The following THSD7B variants were observed in gnomAD, a reference collection of about 807,000 sequenced individuals.
The protein encoded by THSD7B is thrombospondin type-1 domain-containing protein 7B.
A neutral mutation model predicts 213.6 loss-of-function variants in THSD7B; 138 were observed. The ratio of observed to expected loss-of-function variants is 0.65; its 90% CI spans 0.56 to 0.74. The LOEUF is 0.74. Among genes scored for constraint, THSD7B ranks in the 30% least tolerant of loss-of-function variants. The pLI is 0.00. For synonymous variants in THSD7B, 742 were observed against 687.0 expected (o/e 1.08, Z -1.25); for missense variants, 1,931 against 1,991.5 (o/e 0.97, Z 0.58).
Position 137,272,542 on chromosome 2 carries a change from C to T in THSD7B, c.2276C>T (p.Thr759Ile). 1 of 1,607,692 alleles carries T rather than the reference C, an allele frequency of 6.2e-7. No homozygotes were observed. The change falls in exon 11 of 28, where the codon ACA becomes ATA. Residue 759 changes from threonine to isoleucine, a missense_variant. Transcript: ENST00000409968. ...CPRMCQAGNA[T>I]VKQSRYRIII... ...TTTTCCTTTACTTCAGGAAATGCCA[C>T]AGTAAAACAGTCTCGATACAGAATC...
At chr2:136,932,486 C>G (rs1370844852) in intron 2 of THSD7B, among the ~76,000 whole-genome samples, 1 of 147,278 alleles carries the variant, frequency 6.8e-6, no homozygotes, top group African/African-American at 2.4e-5. Context: ...AACTAATAGG[C>G]TATGGTTGAC....
intron 2 of THSD7B, among the ~76,000 whole-genome samples, chr2:136,960,259 C>A (rs1296592639): frequency 6.6e-6 from 1 of 152,174 alleles, no homozygotes; most frequent in Non-Finnish European, 1.5e-5. Flanking sequence ...TCCTGAGTAG[C>A]TGGGACTATA....
intron 12 of THSD7B, among the ~76,000 whole-genome samples, chr2:137,386,712 A>C (rs1206726295): frequency 6.6e-6 from 1 of 152,130 alleles, no homozygotes; most frequent in Non-Finnish European, 1.5e-5. Context: ...TGCCCTCTTC[A>C]TCTCATAATT....
At chr2:137,232,113 G>T (rs147435462) in intron 8 of THSD7B, among the ~76,000 whole-genome samples, 2 of 152,202 alleles carry the variant, frequency 1.3e-5, no homozygotes, top group African/African-American at 2.4e-5. Flanking sequence ...CAAGGTCACA[G>T]ATCCTGGGCA....
chr2:137,618,723 G>A (rs188562884), intron 19 of THSD7B, among the ~76,000 whole-genome samples: 24 of 151,968 alleles, frequency 1.6e-4, no homozygotes, highest in Middle Eastern at 3.4e-3. Flanking sequence ...GTGGAGAAAT[G>A]GGTTCATTAA....
At chr2:137,257,314 C>T (rs1280258629) in intron 10 of THSD7B, among the ~76,000 whole-genome samples, 3 of 152,184 alleles carry the variant, frequency 2.0e-5, no homozygotes, top group Non-Finnish European at 4.4e-5. Context: ...GTGTAATTCA[C>T]ATAACTGGAT....
At chr2:137,330,329 A>T (rs981201422) in intron 12 of THSD7B, among the ~76,000 whole-genome samples, 1 of 152,166 alleles carries the variant, frequency 6.6e-6, no homozygotes, top group Non-Finnish European at 1.5e-5. Context: ...CCAGAATGGT[A>T]GACCTGACAA....
At chr2:137,216,282 C>CCCCCCG (rs1681241694) in intron 7 of THSD7B, among the ~76,000 whole-genome samples, 1 of 6,498 alleles carries the variant, frequency 1.5e-4, no homozygotes, top group African/African-American at 3.4e-4. Flanking sequence ...CCGCCCCCCA[C>CCCCCCG]CCCCCTGCAT....
intron 2 of THSD7B, among the ~76,000 whole-genome samples, chr2:136,968,103 G>A (rs1292758558): frequency 6.6e-6 from 1 of 152,098 alleles, no homozygotes; most frequent in Non-Finnish European, 1.5e-5. Context: ...TGATATGGAT[G>A]TGCATGAGAT....
intron 6 of THSD7B, among the ~76,000 whole-genome samples, chr2:137,161,048 T>C (rs1319906615): frequency 1.3e-5 from 2 of 152,204 alleles, no homozygotes; most frequent in East Asian, 1.9e-4. Context: ...TAACATTTGA[T>C]GTTATATTTT....
intron 10 of THSD7B, among the ~76,000 whole-genome samples, chr2:137,258,907 C>G (rs1486667962): frequency 6.6e-6 from 1 of 151,998 alleles, no homozygotes; most frequent in Non-Finnish European, 1.5e-5. Context: ...CTTTGTTCAG[C>G]TCCCACTTAT....
At chr2:137,278,130 T>G (rs1035729036) in intron 12 of THSD7B, among the ~76,000 whole-genome samples, 1 of 151,962 alleles carries the variant, frequency 6.6e-6, no homozygotes, top group African/African-American at 2.4e-5. Context: ...TGCTAAGAGT[T>G]GAAGGATAGA....
At chr2:137,414,562 TA>T (rs1686750140) in intron 14 of THSD7B, among the ~76,000 whole-genome samples, 1 of 151,088 alleles carries the variant, frequency 6.6e-6, no homozygotes, top group Admixed American at 6.6e-5. Flanking sequence ...CTAGAAAAAA[TA>T]AAAAATTAGC....
chr2:137,080,246 G>T (rs1484044357), intron 3 of THSD7B, among the ~76,000 whole-genome samples: 1 of 151,686 alleles, frequency 6.6e-6, no homozygotes, highest in East Asian at 1.9e-4. Context: ...CATCACCCAG[G>T]CTGGGGTGCA....
At chr2:137,168,142 T>C (rs1170150601) in intron 6 of THSD7B, among the ~76,000 whole-genome samples, 1 of 152,194 alleles carries the variant, frequency 6.6e-6, no homozygotes, top group Non-Finnish European at 1.5e-5. Context: ...GGGTGGATGT[T>C]AGTTTATGCA....
chr2:137,666,542 C>CCG (rs1358463794), intron 26 of THSD7B, among the ~76,000 whole-genome samples: 3 of 146,932 alleles, frequency 2.0e-5, no homozygotes, highest in African/African-American at 4.9e-5. Context: ...TGATTTCCCC[C>CCG]CCCCATAGAA....
rs569387011 is a variant in THSD7B at position 137,398,143 on chromosome 2, G to C, written c.2501-7470G>C. Among the ~76,000 whole-genome samples the C allele has an allele frequency of 2.8e-4, 41 of 147,592 alleles. No homozygotes were observed. The South Asian group carries it at 8.6e-3, about 31-fold the overall frequency. On this transcript the variant is annotated intron_variant, in intron 12 of 27. Coordinates refer to ENST00000409968, the MANE Select transcript of THSD7B (RefSeq NM_001316349.2). ...TCCCGTAGCTCAGAGTAATTTGATC[G>C]TCTGAAGCCTTCTCTCAGCTCGTCA...
chr2:137,413,645 A>C (rs934161486), intron 14 of THSD7B, among the ~76,000 whole-genome samples: 9 of 152,120 alleles, frequency 5.9e-5, no homozygotes, highest in African/African-American at 2.2e-4. Context: ...TAAAACGAAA[A>C]CCCTGTGGTT....
At chr2:136,957,352 G>A (rs1162571243) in intron 2 of THSD7B, among the ~76,000 whole-genome samples, 1 of 152,086 alleles carries the variant, frequency 6.6e-6, no homozygotes, top group Non-Finnish European at 1.5e-5. Context: ...CAGATGGGAG[G>A]GAGAGGAGGT....
Sources: allele counts gnomAD v4.1 joint callset (sites outside exome capture counted in the v4.1 genomes callset), GRCh38; gene constraint gnomAD v4.1.1; transcripts MANE v1.5; gene names NCBI Gene and HGNC (gene_info 2026-07-23, HGNC 2026-07-21).